The following DOCK1 variants were observed in gnomAD, a reference collection of about 807,000 sequenced individuals.
The protein encoded by DOCK1 is dedicator of cytokinesis 1, also known as dedicator of cytokinesis protein 1.
Under a neutral mutation model 262.7 loss-of-function variants are expected in DOCK1, and 138 were observed. That is an observed-to-expected ratio of 0.53 (90% CI 0.46 to 0.61). DOCK1 has a LOEUF of 0.61. Among genes scored for constraint, DOCK1 ranks in the 20% least tolerant of loss-of-function variants. DOCK1 has a pLI of 0.00. For synonymous variants in DOCK1, 866 were observed against 867.4 expected, an observed-to-expected ratio of 1.00 and a Z score of 0.03; for missense variants, 1,908 against 2,370.7, an observed-to-expected ratio of 0.80 and a Z score of 4.05.
chr10:127,011,723 AT>A (rs1389837269), intron 11 of DOCK1, among the ~76,000 whole-genome samples: 1 of 151,716 alleles, frequency 6.6e-6, no homozygotes, highest in African/African-American at 2.4e-5. Flanking sequence ...TTGAGGGACT[AT>A]TGTGTACGTA....
At chr10:127,064,926 G>T (rs577026120) in intron 23 of DOCK1, among the ~76,000 whole-genome samples, 2 of 152,254 alleles carry the variant, frequency 1.3e-5, no homozygotes, top group South Asian at 4.1e-4. Context: ...GGCAGCCACC[G>T]GTCCACTTTC....
intron 29 of DOCK1, among the ~76,000 whole-genome samples, chr10:127,316,238 G>A: frequency 6.6e-6 from 1 of 152,100 alleles, no homozygotes; most frequent in East Asian, 1.9e-4. Flanking sequence ...CTGGTCCCGT[G>A]CTGTACCTAA....
At chr10:127,192,470 G>A (rs960994743) in intron 27 of DOCK1, 2 of 152,148 alleles carry the variant, frequency 1.3e-5, no homozygotes, top group East Asian at 1.9e-4. Flanking sequence ...AGAATGTTTT[G>A]TTTTTATTCA....
At chr10:126,957,137 T>A (rs936371235) in intron 1 of DOCK1, among the ~76,000 whole-genome samples, 1 of 152,222 alleles carries the variant, frequency 6.6e-6, no homozygotes, top group African/African-American at 2.4e-5. Context: ...GAGGGCTCGA[T>A]TGGTTTTTAA....
At chr10:127,428,871 G>GGGTGTCGTGTGGATTGC (rs2069040105) in intron 47 of DOCK1, among the ~76,000 whole-genome samples, 2 of 134,558 alleles carry the variant, frequency 1.5e-5, no homozygotes, top group Non-Finnish European at 3.1e-5. Flanking sequence ...GTGTGGATTG[G>GGGTGTCGTGTGGATTGC]GGTGCCATGT....
intron 37 of DOCK1, among the ~76,000 whole-genome samples, chr10:127,382,264 G>A (rs2065868069): frequency 6.6e-6 from 1 of 152,182 alleles, no homozygotes; most frequent in Non-Finnish European, 1.5e-5. Flanking sequence ...GCATTCAGTA[G>A]TGTCAATTAG....
Position 127,442,321 on chromosome 10 carries a change from C to T in DOCK1, c.5260-1805C>T, listed in dbSNP as rs536315919. Among the ~76,000 whole-genome samples, 7 of 152,286 alleles carry T rather than the reference C, an allele frequency of 4.6e-5. No individual in the cohort carries two copies. The East Asian group carries it at 1.4e-3, about 29-fold the overall frequency. On this transcript the variant is annotated intron_variant, in intron 49 of 51. Transcript: ENST00000623213. Reference sequence around the variant, plus strand: ...CTGTTGCTCACCCAAACCAGCACAGCGCATCCACCAGGCCCCCAGACCCAG... The same window carrying T: ...CTGTTGCTCACCCAAACCAGCACAGTGCATCCACCAGGCCCCCAGACCCAG...
At chr10:127,003,299 C>CGTGAACCTGTGTAACCTTTATGAACCTGT (rs2040739474) in intron 10 of DOCK1, among the ~76,000 whole-genome samples, 1 of 150,478 alleles carries the variant, frequency 6.6e-6, no homozygotes, top group Non-Finnish European at 1.5e-5. Flanking sequence ...TGTGAACCTG[C>CGTGAACCTGTGTAACCTTTATGAACCTGT]GTGAACCTGT....
At chr10:127,268,585 C>A (rs1354880213) in intron 29 of DOCK1, among the ~76,000 whole-genome samples, 2 of 151,448 alleles carry the variant, frequency 1.3e-5, no homozygotes, top group Non-Finnish European at 2.9e-5. Context: ...TCCTTGTTTC[C>A]CCATTTCTCA....
intron 3 of DOCK1, among the ~76,000 whole-genome samples, chr10:126,980,250 G>A (rs549701830): frequency 2.0e-5 from 3 of 152,044 alleles, no homozygotes; most frequent in East Asian, 3.9e-4. Flanking sequence ...TGAGTGCGGT[G>A]GCACGATCAT....
At chr10:127,168,222 A>G (rs936850524) in intron 27 of DOCK1, among the ~76,000 whole-genome samples, 3 of 152,212 alleles carry the variant, frequency 2.0e-5, no homozygotes, top group Non-Finnish European at 4.4e-5. Context: ...AACCAAGTGC[A>G]TGGGAGGCTG....
At chr10:127,195,531 C>G (rs185602266) in intron 27 of DOCK1, among the ~76,000 whole-genome samples, 8 of 152,112 alleles carry the variant, frequency 5.3e-5, no homozygotes, top group South Asian at 4.2e-4. Flanking sequence ...CATCCCCCCC[C>G]CGAAGTTAAT....
intron 23 of DOCK1, among the ~76,000 whole-genome samples, chr10:127,074,263 T>C (rs1206402740): frequency 6.6e-6 from 1 of 152,172 alleles, no homozygotes; most frequent in African/African-American, 2.4e-5. Context: ...AATCAGGGAA[T>C]TAGGAGGTTA....
intron 10 of DOCK1, among the ~76,000 whole-genome samples, chr10:127,002,359 G>A (rs758496808): frequency 1.1e-4 from 16 of 152,192 alleles, no homozygotes; most frequent in Non-Finnish European, 2.2e-4. Flanking sequence ...AAGATGAAAT[G>A]TAGACCACAG....
intron 23 of DOCK1, among the ~76,000 whole-genome samples, chr10:127,085,994 A>T (rs1462349189): frequency 6.6e-6 from 1 of 152,134 alleles, no homozygotes; most frequent in Non-Finnish European, 1.5e-5. Flanking sequence ...GATTTTATTC[A>T]TACTTGCTTT....
chr10:127,148,546 A>G (rs1488879833), intron 27 of DOCK1, among the ~76,000 whole-genome samples: 1 of 152,190 alleles, frequency 6.6e-6, no homozygotes, highest in Admixed American at 6.5e-5. Context: ...TAACCATTTC[A>G]GCGAAGGAGA....
intron 29 of DOCK1, 96 bp from the exon 30 acceptor site, chr10:127,338,910 C>A: frequency 1.9e-6 from 2 of 1,080,622 alleles, no homozygotes; most frequent in Non-Finnish European, 2.7e-6. Context: ...AGTTCACATT[C>A]CAGACAGTCT....
intron 1 of DOCK1, among the ~76,000 whole-genome samples, chr10:126,917,194 C>T (rs1035943220): frequency 6.6e-6 from 1 of 152,244 alleles, no homozygotes; most frequent in Non-Finnish European, 1.5e-5. Context: ...AGCGTGTGAA[C>T]ATTCACAGCA....
intron 2 of DOCK1, among the ~76,000 whole-genome samples, chr10:126,975,865 C>T (rs189122605): frequency 2.7e-4 from 41 of 152,148 alleles, no homozygotes; most frequent in African/African-American, 8.9e-4. Flanking sequence ...GTTATCTGCC[C>T]TCTTCGGCTG....
Sources: allele counts gnomAD v4.1 joint callset (sites outside exome capture counted in the v4.1 genomes callset), GRCh38; gene constraint gnomAD v4.1.1; transcripts MANE v1.5; gene names NCBI Gene and HGNC (gene_info 2026-07-23, HGNC 2026-07-21).